Variants in NKAIN2 observed in about 807,000 individuals in gnomAD.
NKAIN2 encodes the protein sodium/potassium transporting ATPase interacting 2.
NKAIN2 carries 14 observed loss-of-function variants against 32.6 expected under a neutral mutation model. The ratio of observed to expected loss-of-function variants is 0.43; its 90% CI spans 0.28 to 0.67. The LOEUF (loss-of-function observed/expected upper bound fraction) is 0.67. NKAIN2 is among the 30% of genes least tolerant of loss of function. The pLI is 0.17. For missense variants in NKAIN2, 198 were observed against 258.3 expected (o/e 0.77, Z 1.60); for synonymous variants, 80 against 87.2 (o/e 0.92, Z 0.46).
At chr6:124,107,759 T>C (rs1451736239) in intron 1 of NKAIN2, among the ~76,000 whole-genome samples, 1 of 152,178 alleles carries the variant, frequency 6.6e-6, no homozygotes. Context: ...GGAGTTTTAC[T>C]ATTTTAGATT....
chr6:124,066,768 A>AATGC (rs1783203884), intron 1 of NKAIN2, among the ~76,000 whole-genome samples: 1 of 152,126 alleles, frequency 6.6e-6, no homozygotes, highest in Admixed American at 6.6e-5. Context: ...AATAAACAGG[A>AATGC]ATGCATATAA....
At chr6:124,142,757 T>C (rs946994472) in intron 1 of NKAIN2, among the ~76,000 whole-genome samples, 16 of 152,232 alleles carry the variant, frequency 1.1e-4, no homozygotes, top group African/African-American at 3.9e-4. Flanking sequence ...TACTATATTC[T>C]AGTTATAGCA....
At chr6:124,666,247 A>C (rs367909280) in intron 4 of NKAIN2, among the ~76,000 whole-genome samples, 119 of 152,302 alleles carry the variant, frequency 7.8e-4, no homozygotes, top group African/African-American at 2.8e-3. Flanking sequence ...TGGGAAGAAG[A>C]AGCAAATACC....
chr6:124,580,352 A>G (rs1011300996), intron 3 of NKAIN2, among the ~76,000 whole-genome samples: 1 of 152,234 alleles, frequency 6.6e-6, no homozygotes, highest in African/African-American at 2.4e-5. Context: ...AAATGTGGGG[A>G]ACAAATTCAA....
intron 3 of NKAIN2, among the ~76,000 whole-genome samples, chr6:124,437,444 C>T (rs1775496974): frequency 6.6e-6 from 1 of 152,170 alleles, no homozygotes; most frequent in Non-Finnish European, 1.5e-5. Context: ...TGTGATACTA[C>T]ATTATTTCAT....
chr6:124,224,331 T>G (rs1434114647), intron 1 of NKAIN2, among the ~76,000 whole-genome samples: 1 of 152,144 alleles, frequency 6.6e-6, no homozygotes, highest in Non-Finnish European at 1.5e-5. Context: ...CAGCTTCATT[T>G]ATAGAACTAA....
intron 4 of NKAIN2, among the ~76,000 whole-genome samples, chr6:124,781,464 C>T (rs1779261602): frequency 6.6e-6 from 1 of 152,048 alleles, no homozygotes; most frequent in South Asian, 2.1e-4. Context: ...TTCCTACCTC[C>T]CAGCTGTTAC....
intron 3 of NKAIN2, among the ~76,000 whole-genome samples, chr6:124,622,183 T>C (rs973581971): frequency 1.3e-5 from 2 of 152,224 alleles, no homozygotes; most frequent in African/African-American, 4.8e-5. Flanking sequence ...AGAATTCCTT[T>C]AGTCTTGGCA....
chr6:124,459,845 T>C (rs1420873836), intron 3 of NKAIN2, among the ~76,000 whole-genome samples: 1 of 151,794 alleles, frequency 6.6e-6, no homozygotes, highest in African/African-American at 2.4e-5. Context: ...AAAATCTTAA[T>C]CTTTCAAAAA....
At chr6:123,859,383 G>A (rs1176552897) in intron 1 of NKAIN2, among the ~76,000 whole-genome samples, 1 of 152,072 alleles carries the variant, frequency 6.6e-6, no homozygotes, top group East Asian at 1.9e-4. Flanking sequence ...CAGTCATATT[G>A]CAATGAGACC....
At chr6:123,894,706 C>G (rs912059463) in intron 1 of NKAIN2, among the ~76,000 whole-genome samples, 7 of 151,904 alleles carry the variant, frequency 4.6e-5, no homozygotes, top group Admixed American at 4.6e-4. Context: ...TCATTTATAT[C>G]CCAGGATTCT....
At chr6:124,449,309 T>G (rs1367270432) in intron 3 of NKAIN2, among the ~76,000 whole-genome samples, 3 of 152,120 alleles carry the variant, frequency 2.0e-5, no homozygotes, top group African/African-American at 7.2e-5. Flanking sequence ...GGGAAAGAAC[T>G]ATTGGAGACA....
At chr6:123,999,859 T>C (rs894842648) in intron 1 of NKAIN2, among the ~76,000 whole-genome samples, 7 of 152,112 alleles carry the variant, frequency 4.6e-5, no homozygotes, top group African/African-American at 1.7e-4. Context: ...TTTCTGCCTC[T>C]GTTTCTTTGT....
chr6:124,564,421 C>T (rs1394570458), intron 3 of NKAIN2, among the ~76,000 whole-genome samples: 1 of 152,156 alleles, frequency 6.6e-6, no homozygotes, highest in Non-Finnish European at 1.5e-5. Flanking sequence ...TCAATCAGCG[C>T]TCTGTAAAAT....
At chr6:123,988,472 G>A (rs897199287) in intron 1 of NKAIN2, among the ~76,000 whole-genome samples, 38 of 152,108 alleles carry the variant, frequency 2.5e-4, no homozygotes, top group Non-Finnish European at 4.0e-4. Flanking sequence ...AGTAGTTTCC[G>A]TCAGTTCCAC....
At chr6:124,340,615 G>T (rs963878672) in intron 2 of NKAIN2, among the ~76,000 whole-genome samples, 1 of 152,088 alleles carries the variant, frequency 6.6e-6, no homozygotes, top group African/African-American at 2.4e-5. Flanking sequence ...CCCACTTAGA[G>T]GTGAGAACAT....
intron 1 of NKAIN2, among the ~76,000 whole-genome samples, chr6:124,260,356 G>A (rs982028262): frequency 6.6e-6 from 1 of 152,132 alleles, no homozygotes; most frequent in African/African-American, 2.4e-5. Context: ...AACAGAAATG[G>A]GAAGTTTGGA....
At chr6:124,159,755 AAGCGCAAG>A (rs1788179755) in intron 1 of NKAIN2, among the ~76,000 whole-genome samples, 1 of 152,152 alleles carries the variant, frequency 6.6e-6, no homozygotes, top group Non-Finnish European at 1.5e-5. Context: ...TCAGAAACCC[AAGCGCAAG>A]AGGCTACTTT....
chr6:124,185,901 T>G (rs1029047588), intron 1 of NKAIN2, among the ~76,000 whole-genome samples: 5 of 152,078 alleles, frequency 3.3e-5, no homozygotes, highest in African/African-American at 7.2e-5. Flanking sequence ...ACATTTCCCC[T>G]TTGAATATAA....
Sources: allele counts gnomAD v4.1 joint callset (sites outside exome capture counted in the v4.1 genomes callset), GRCh38; gene constraint gnomAD v4.1.1; transcripts MANE v1.5; gene names NCBI Gene and HGNC (gene_info 2026-07-23, HGNC 2026-07-21).